C11orf65: variants seen among roughly 807,000 people sequenced by gnomAD.
C11orf65 encodes chromosome 11 open reading frame 65, also known as protein MFI.
Under a neutral mutation model 35.3 loss-of-function variants are expected in C11orf65, and 38 were observed. That is an observed-to-expected ratio of 1.08 (90% confidence interval 0.83 to 1.41). C11orf65 has a LOEUF of 1.41. C11orf65 is among the 40% of genes most tolerant of loss of function. The probability of loss-of-function intolerance (pLI) is 0.00; values close to 1 mark genes in which losing one functional copy is unlikely to be tolerated. For missense variants in C11orf65, 370 were observed against 367.1 expected (o/e 1.01, Z -0.06); for synonymous variants, 105 against 114.4 (o/e 0.92, Z 0.53).
At chr11:108,447,706 A>G (rs1037560961) in intron 2 of C11orf65, among the ~76,000 whole-genome samples, 17 of 152,158 alleles carry the variant, frequency 1.1e-4, no homozygotes, top group African/African-American at 3.9e-4. Flanking sequence ...TTGACACCCT[A>G]ACATCACAAT....
Position 108,386,456 on chromosome 11 carries a change from G to A in C11orf65, c.732-481C>T, listed in dbSNP as rs118173768. Among the ~76,000 whole-genome samples, 376 of 152,292 alleles carry A rather than the reference G, an allele frequency of 2.5e-3. 9 individuals are homozygous for A. The East Asian group carries it at 0.07, about 28-fold the overall frequency. ...TTTCTGAGCTCATTAGAGCAGCAGC[G>A]CTGTCTTTGCAGTGTCCAGAACACG... is the stretch of plus-strand genomic sequence containing the variant. On this transcript the variant is annotated intron_variant, in intron 7 of 8. Transcript: ENST00000393084.
chr11:108,467,448 G>A (rs1004952790), intron 1 of C11orf65, 23 bp downstream of exon 1: 2 of 152,246 alleles, frequency 1.3e-5, no homozygotes, highest in African/African-American at 2.4e-5. Flanking sequence ...GCTGAGAGAA[G>A]GGACACTATT....
Position 108,325,395 on chromosome 11 carries a change from C to T in C11orf65, c.641-16324G>A, listed in dbSNP as rs1060501536. The stretch of plus-strand genomic sequence containing the variant: ...TCTCAAGGACAGTGATTTTAGTTTT[C>T]AGGAGCCTATCATGGCTCTACGCAC... On this transcript the variant is annotated intron_variant, in intron 6 of 6. Coordinates refer to the C11orf65 transcript ENST00000525729. The T allele has an allele frequency of 6.2e-7, 1 of 1,613,346 alleles. No individual in the cohort carries two copies. The highest frequency in any genetic ancestry group is 1.7e-5 in the Admixed American group (1 of 59,946).
chr11:108,343,510 C>A, intron 2 of C11orf65: 1 of 1,024,914 alleles, frequency 9.8e-7, no homozygotes, highest in Non-Finnish European at 1.4e-6. Flanking sequence ...AAAAGAAAAA[C>A]TCATCAGAAT....
At chr11:108,364,852 G>A (rs2091165750) in intron 2 of C11orf65, among the ~76,000 whole-genome samples, 1 of 152,194 alleles carries the variant, frequency 6.6e-6, no homozygotes, top group Non-Finnish European at 1.5e-5. Context: ...TGGGTCAAGG[G>A]ATGTCACCCC....
chr11:108,427,825 CTT>C (rs1164726398), intron 3 of C11orf65, among the ~76,000 whole-genome samples: 1 of 59,048 alleles, frequency 1.7e-5, no homozygotes, highest in Non-Finnish European at 2.9e-5. Flanking sequence ...GAATGGCAAT[CTT>C]TTTTTTTTTT....
chr11:108,416,403 C>T (rs1436472551), intron 3 of C11orf65, among the ~76,000 whole-genome samples: 1 of 152,098 alleles, frequency 6.6e-6, no homozygotes, highest in Non-Finnish European at 1.5e-5. Context: ...AATGAGGGCC[C>T]GGGCATGGTG....
intron 7 of C11orf65, 36 bp downstream of exon 7, chr11:108,393,172 T>G: frequency 6.4e-7 from 1 of 1,567,498 alleles, no homozygotes; most frequent in Non-Finnish European, 8.7e-7. Flanking sequence ...CTATGATGAC[T>G]GCCCTTGTTC....
At chr11:108,373,688 C>T (rs1421212370) in intron 2 of C11orf65, among the ~76,000 whole-genome samples, 1 of 152,204 alleles carries the variant, frequency 6.6e-6, no homozygotes, top group Non-Finnish European at 1.5e-5. Flanking sequence ...ACAGTGGGTG[C>T]AGCGCACCGT....
At chr11:108,440,296 C>T (rs968628179) in intron 2 of C11orf65, among the ~76,000 whole-genome samples, 6 of 152,156 alleles carry the variant, frequency 3.9e-5, no homozygotes, top group African/African-American at 4.8e-5. Flanking sequence ...GTAAAAACAA[C>T]CACCATTTTA....
rs567215034 is a variant in C11orf65, at chr11:108,345,735, A to G, written c.227-10443T>C. ...TGAAAAATAATTATATATATTCTCT[A>G]TTTAAAGGAGGTGCAAAAAAAGTCT... is the stretch of plus-strand genomic sequence containing the variant. On this transcript the variant is annotated intron_variant, in intron 2 of 3. Transcript: ENST00000524755. 21 of 1,588,824 alleles carry G rather than the reference A, an allele frequency of 1.3e-5. No individual in the cohort carries two copies. In the South Asian group the frequency reaches 1.6e-4, roughly 12 times the overall value.
intron 2 of C11orf65, among the ~76,000 whole-genome samples, chr11:108,338,194 C>CA (rs1395733251): frequency 1.3e-5 from 2 of 151,028 alleles, no homozygotes; most frequent in Non-Finnish European, 3.0e-5. Flanking sequence ...ACTAAAAATA[C>CA]AAAAAAATTA....
chr11:108,325,196 A>T lies in C11orf65; in HGVS notation c.641-16125T>A. ...TACAAGTTCTAGTCTTGTCACTACA[A>T]AAGTTCCTTTGTATTATTATAATAT... On this transcript the variant is annotated intron_variant, in intron 6 of 6. Transcript: ENST00000525729. 5.4e-6 allele frequency: 4 copies of T among 738,964 alleles called. No individual in the cohort carries two copies. The South Asian group carries it at 7.4e-5, about 14-fold the overall frequency. 45.8% of individuals were successfully genotyped at this position (738,964 alleles called of 1,614,324 possible). A position where few individuals can be genotyped will look rare whatever the true frequency, so the allele number is the denominator to read the frequency against.
In C11orf65 at chr11:108,354,016, G is replaced by C; in HGVS notation, c.227-18724C>G. On this transcript the variant is annotated intron_variant, in intron 2 of 3. Transcript: ENST00000524755. ...GGATTGTTTGAGCCCAGGAGTTTGA[G>C]TCCAGCCTAGGCAATACAGCAAGAC... 2.5e-6 allele frequency: 2 copies of C among 797,986 alleles called. 1 individual carries two copies. Among genetic ancestry groups the C allele is most frequent in the South Asian group, 2.8e-5 (2 of 70,674 alleles). The allele number at this position is 797,986 out of a possible 1,614,324, so 49.4% of individuals were successfully genotyped here. A position where few individuals can be genotyped will look rare whatever the true frequency, so the allele number is the denominator to read the frequency against.
intron 2 of C11orf65, among the ~76,000 whole-genome samples, chr11:108,342,395 A>G (rs2087696640): frequency 6.6e-6 from 1 of 152,250 alleles, no homozygotes; most frequent in Non-Finnish European, 1.5e-5. Flanking sequence ...AGTATTGAAT[A>G]AAAAACCAAA....
intron 2 of C11orf65, among the ~76,000 whole-genome samples, chr11:108,373,368 C>G (rs772955894): frequency 6.6e-6 from 1 of 152,160 alleles, no homozygotes; most frequent in East Asian, 1.9e-4. Context: ...GAAAAACTTA[C>G]AGCTCACGTC....
intron 3 of C11orf65, among the ~76,000 whole-genome samples, chr11:108,334,761 T>C (rs2086645742): frequency 6.6e-6 from 1 of 152,198 alleles, no homozygotes; most frequent in Admixed American, 6.5e-5. Flanking sequence ...TCAGATGACT[T>C]TACATATATT....
downstream of C11orf65, chr11:108,382,675 T>A (rs1346415368): frequency 1.6e-6 from 1 of 625,074 alleles, no homozygotes; most frequent in Non-Finnish European, 2.0e-6. Context: ...GGATATGGGA[T>A]AAAGGGACCG....
intron 2 of C11orf65, chr11:108,354,713 A>G: frequency 9.3e-7 from 1 of 1,078,932 alleles, no homozygotes; most frequent in Non-Finnish European, 1.4e-6. Context: ...ATTATTAAGC[A>G]TAGGCTCAGC....
Sources: gnomAD v4.1 joint callset for allele counts (sites outside exome capture counted in the v4.1 genomes callset) on GRCh38, gnomAD v4.1.1 for gene constraint, MANE v1.5 for transcripts, NCBI Gene and HGNC (gene_info 2026-07-23, HGNC 2026-07-21) for gene names.